The following ASB17 variants were observed in gnomAD, a reference collection of about 807,000 sequenced individuals.
ASB17 encodes the protein ankyrin repeat and SOCS box protein 17.
A neutral mutation model predicts 25.7 loss-of-function variants in ASB17; 26 were observed. The ratio of observed to expected loss-of-function variants is 1.01; its 90% CI spans 0.74 to 1.40. ASB17 has a LOEUF of 1.40. ASB17 is among the 40% of genes most tolerant of loss of function. The pLI, the probability that ASB17 is intolerant of heterozygous loss-of-function variation, is 0.00. For synonymous variants in ASB17, 128 were observed against 121.4 expected, an observed-to-expected ratio of 1.05 and a Z score of -0.36; for missense variants, 326 against 338.5, an observed-to-expected ratio of 0.96 and a Z score of 0.29.
intron 1 of ASB17, among the ~76,000 whole-genome samples, chr1:75,925,074 T>G (rs1336709632): frequency 3.3e-5 from 5 of 152,176 alleles, no homozygotes; most frequent in Non-Finnish European, 5.9e-5. Context: ...CTTAGTTCAC[T>G]ATTGCATATT....
At chr1:75,926,869 G>GT (rs1653186537) in intron 1 of ASB17, among the ~76,000 whole-genome samples, 1 of 146,578 alleles carries the variant, frequency 6.8e-6, no homozygotes, top group South Asian at 2.3e-4. Context: ...GATTTTATAG[G>GT]TTTTTTAAAA....
At chr1:75,927,282 T>TTTTTTTTTTTTTTTTTTGAG (rs1553142400) in intron 1 of ASB17, among the ~76,000 whole-genome samples, 2 of 151,886 alleles carry the variant, frequency 1.3e-5, no homozygotes, top group African/African-American at 2.4e-5. Context: ...TGTGTTGTTT[T>TTTTTTTTTTTTTTTTTTGAG]AAGCCACTAA....
chr1:75,919,616 T>C (rs1046639723), intron 2 of ASB17, among the ~76,000 whole-genome samples: 2 of 152,172 alleles, frequency 1.3e-5, no homozygotes, highest in Admixed American at 1.3e-4. Context: ...AGTTCCCACC[T>C]ATGAGTGACA....
At chr1:75,925,978 C>T (rs1415451584) in intron 1 of ASB17, among the ~76,000 whole-genome samples, 2 of 152,288 alleles carry the variant, frequency 1.3e-5, no homozygotes, top group Non-Finnish European at 1.5e-5. Flanking sequence ...TTCACTGGCT[C>T]CTCTTCCTCT....
chr1:75,925,830 A>T (rs1369997121), intron 1 of ASB17, among the ~76,000 whole-genome samples: 1 of 152,088 alleles, frequency 6.6e-6, no homozygotes, highest in African/African-American at 2.4e-5. Flanking sequence ...AATTTGATAG[A>T]TGCTTCTCCA....
At chr1:75,920,381 T>A (rs1225751767) in intron 2 of ASB17, among the ~76,000 whole-genome samples, 2 of 152,256 alleles carry the variant, frequency 1.3e-5, no homozygotes, top group Non-Finnish European at 2.9e-5. Context: ...CTATTACTTG[T>A]ATAATGCATT....
At chr1:75,922,585 C>T (rs896648829) in intron 1 of ASB17, among the ~76,000 whole-genome samples, 2 of 144,840 alleles carry the variant, frequency 1.4e-5, no homozygotes, top group Non-Finnish European at 3.0e-5. Flanking sequence ...CGACCTCTGC[C>T]TCCTGGGTTC....
Position 75,926,974 on chromosome 1 carries a change from T to C in ASB17, c.402-4615A>G, listed in dbSNP as rs191511372. On this transcript the variant is annotated intron_variant, in intron 1 of 2. Coordinates refer to ENST00000284142, the MANE Select transcript of ASB17 (RefSeq NM_080868.3). ...GGATTTTGCAGATATGATTAAGATC[T>C]TGAGGTGGGAAATTAACTAGGTGTG... Among the ~76,000 whole-genome samples, 253 of 152,298 alleles carry C rather than the reference T, an allele frequency of 1.7e-3. 3 individuals are homozygous for C. The highest frequency in any genetic ancestry group is 4.0e-4 in the Non-Finnish European group (27 of 68,030).
chr1:75,921,112 T>C (rs1653016532), intron 2 of ASB17, among the ~76,000 whole-genome samples: 1 of 152,154 alleles, frequency 6.6e-6, no homozygotes, highest in Non-Finnish European at 1.5e-5. Context: ...ATCTCAGGAA[T>C]AGCATTCATG....
intron 1 of ASB17, among the ~76,000 whole-genome samples, chr1:75,923,769 A>G (rs1248826068): frequency 6.6e-6 from 1 of 152,164 alleles, no homozygotes; most frequent in Non-Finnish European, 1.5e-5. Flanking sequence ...CTAGGTTCTA[A>G]GTTTTAGCTC....
chr1:75,923,219 G>T (rs1433676741), intron 1 of ASB17, among the ~76,000 whole-genome samples: 2 of 151,990 alleles, frequency 1.3e-5, no homozygotes, highest in Non-Finnish European at 2.9e-5. Flanking sequence ...GAGTTGGTTG[G>T]GCTTAGGAAA....
chr1:75,927,678 C>A (rs1571018164), intron 1 of ASB17, among the ~76,000 whole-genome samples: 1 of 151,906 alleles, frequency 6.6e-6, no homozygotes, highest in Admixed American at 6.6e-5. Flanking sequence ...AGATCACTTT[C>A]CCCCCAACTC....
At chr1:75,924,717 A>G (rs1653122156) in intron 1 of ASB17, among the ~76,000 whole-genome samples, 1 of 152,108 alleles carries the variant, frequency 6.6e-6, no homozygotes, top group Non-Finnish European at 1.5e-5. Context: ...ATTTCTTTCT[A>G]CATTACCTAT....
chr1:75,922,488 C>CTTTTTTTTTTTTTTTTTTTTTTT (rs3037164), intron 1 of ASB17, 129 bp from the exon 2 acceptor site: 2 of 118,088 alleles, frequency 1.7e-5, no homozygotes, highest in East Asian at 3.9e-4. Flanking sequence ...TTATATGTTT[C>CTTTTTTTTTTTTTTTTTTTTTTT]TTTTTTTTTT....
chr1:75,926,183 A>C (rs1031558524), intron 1 of ASB17, among the ~76,000 whole-genome samples: 2 of 152,240 alleles, frequency 1.3e-5, no homozygotes, highest in African/African-American at 4.8e-5. Flanking sequence ...GATCCTTACT[A>C]TCTTGCTTAT....
At chr1:75,930,498 G>A (rs1291918262) in intron 1 of ASB17, among the ~76,000 whole-genome samples, 1 of 151,698 alleles carries the variant, frequency 6.6e-6, no homozygotes, top group East Asian at 1.9e-4. Flanking sequence ...TGCTGTCCAG[G>A]GTAAAGGTCT....
At chr1:75,924,692 G>A (rs950121139) in intron 1 of ASB17, among the ~76,000 whole-genome samples, 1 of 152,066 alleles carries the variant, frequency 6.6e-6, no homozygotes, top group Non-Finnish European at 1.5e-5. Context: ...AACGCATGGA[G>A]AACTTCTAAA....
chr1:75,923,340 G>T (rs890835684), intron 1 of ASB17, among the ~76,000 whole-genome samples: 2 of 152,028 alleles, frequency 1.3e-5, no homozygotes, highest in African/African-American at 2.4e-5. Context: ...TCACATGATG[G>T]CTAGACTTAA....
At chr1:75,919,278 TA>T (rs1458187117) in intron 2 of ASB17, 120 bp from the exon 3 acceptor site, 20 of 755,268 alleles carry the variant, frequency 2.6e-5, no homozygotes, top group Non-Finnish European at 3.8e-5. Context: ...AAAACCCTTA[TA>T]ACTTTTTTCC....
Sources: gnomAD v4.1 joint callset for allele counts (sites outside exome capture counted in the v4.1 genomes callset) on GRCh38, gnomAD v4.1.1 for gene constraint, MANE v1.5 for transcripts, NCBI Gene and HGNC (gene_info 2026-07-23, HGNC 2026-07-21) for gene names.